Variants in GPR39 observed in about 807,000 individuals in gnomAD.
The protein encoded by GPR39 is G protein-coupled receptor 39, also known as zinc sensing receptor.
Under a neutral mutation model 18.4 loss-of-function variants are expected in GPR39, and 23 were observed. The observed-to-expected ratio is 1.25, with a 90% CI of 0.90 to 1.77. The LOEUF is 1.77. Ranked by LOEUF, GPR39 falls within the 40% of genes most tolerant of loss-of-function variation. GPR39 has a pLI of 0.00. For synonymous variants in GPR39, 280 were observed against 257.9 expected, an observed-to-expected ratio of 1.09 and a Z score of -0.82; for missense variants, 647 against 602.4, an observed-to-expected ratio of 1.07 and a Z score of -0.78.
At chr2:132,530,060 A>G (rs1056650336) in intron 1 of GPR39, among the ~76,000 whole-genome samples, 3 of 152,162 alleles carry the variant, frequency 2.0e-5, no homozygotes, top group Admixed American at 2.0e-4. Context: ...ACTCTGAGCT[A>G]AAGGAGGAAG....
intron 1 of GPR39, among the ~76,000 whole-genome samples, chr2:132,472,648 T>C (rs967091330): frequency 6.6e-6 from 1 of 152,156 alleles, no homozygotes; most frequent in African/African-American, 2.4e-5. Context: ...CAGAGGTAAG[T>C]GACATGGTAG....
chr2:132,543,174 C>A (rs1196599506), intron 1 of GPR39, among the ~76,000 whole-genome samples: 1 of 152,146 alleles, frequency 6.6e-6, no homozygotes, highest in African/African-American at 2.4e-5. Flanking sequence ...GGAGAGCTCT[C>A]AGCAAAGAGA....
At chr2:132,620,396 C>T (rs1681420211) in intron 1 of GPR39, among the ~76,000 whole-genome samples, 2 of 152,154 alleles carry the variant, frequency 1.3e-5, no homozygotes. Context: ...AAGGGACATT[C>T]TGAGGAGGGG....
At chr2:132,457,201 C>T (rs58694964) in intron 1 of GPR39, among the ~76,000 whole-genome samples, 2,526 of 152,126 alleles carry the variant, frequency 0.017, 78 homozygotes, top group African/African-American at 0.054. Context: ...TTTCTCTAAC[C>T]TTGTCTTCTC....
intron 1 of GPR39, among the ~76,000 whole-genome samples, chr2:132,571,308 T>A (rs1257437433): frequency 6.6e-6 from 1 of 152,170 alleles, no homozygotes; most frequent in Non-Finnish European, 1.5e-5. Flanking sequence ...ACATTCTGAA[T>A]TGGTATGTAA....
intron 1 of GPR39, among the ~76,000 whole-genome samples, chr2:132,437,254 C>A (rs534276497): frequency 6.6e-6 from 1 of 152,208 alleles, no homozygotes; most frequent in Non-Finnish European, 1.5e-5. Flanking sequence ...ATGTGAAGTG[C>A]ATTTTGATCT....
intron 1 of GPR39, among the ~76,000 whole-genome samples, chr2:132,526,486 T>C (rs952084462): frequency 1.6e-4 from 24 of 152,168 alleles, no homozygotes; most frequent in African/African-American, 5.5e-4. Context: ...CAAACCCTAG[T>C]GGGATCTTTT....
chr2:132,580,421 G>T (rs1331481445), intron 1 of GPR39, among the ~76,000 whole-genome samples: 1 of 152,228 alleles, frequency 6.6e-6, no homozygotes, highest in Non-Finnish European at 1.5e-5. Flanking sequence ...GTGGCTGAGA[G>T]TAGTCAGTTG....
At chr2:132,451,635 C>T (rs947346129) in intron 1 of GPR39, among the ~76,000 whole-genome samples, 6 of 152,106 alleles carry the variant, frequency 3.9e-5, no homozygotes, top group Non-Finnish European at 2.9e-5. Context: ...CCTTCCCTTG[C>T]CTCTCATCCT....
intron 1 of GPR39, among the ~76,000 whole-genome samples, chr2:132,554,695 G>C (rs959807561): frequency 3.9e-5 from 6 of 152,162 alleles, no homozygotes; most frequent in African/African-American, 1.4e-4. Flanking sequence ...AGATTAAAAT[G>C]CTGGCAGGGC....
Position 132,619,192 on chromosome 2 carries a change from C to G in GPR39, c.857-25909C>G, listed in dbSNP as rs192432512. ...AGATCATGGTGAGGTGCACACCAAC[C>G]CTCTCTTTTGCCAAGGCCAAATTTG... On this transcript the variant is annotated intron_variant, in intron 1 of 1. Coordinates refer to ENST00000329321, the MANE Select transcript of GPR39 (RefSeq NM_001508.3). Among the ~76,000 whole-genome samples, 363 of 152,306 alleles carry G rather than the reference C, an allele frequency of 2.4e-3. 3 individuals carry two copies. The highest frequency in any genetic ancestry group is 8.5e-3 in the African/African-American group (355 of 41,574).
intron 1 of GPR39, among the ~76,000 whole-genome samples, chr2:132,627,267 C>T (rs1328107121): frequency 6.6e-6 from 1 of 152,118 alleles, no homozygotes; most frequent in African/African-American, 2.4e-5. Flanking sequence ...TTGTCAGGGA[C>T]AATGGCTCCC....
intron 1 of GPR39, among the ~76,000 whole-genome samples, chr2:132,580,115 T>G (rs562573172): frequency 6.6e-6 from 1 of 152,354 alleles, no homozygotes; most frequent in Non-Finnish European, 1.5e-5. Context: ...GGCTTCCTAG[T>G]TACACTTGTT....
chr2:132,585,648 G>T (rs1680710827), intron 1 of GPR39, among the ~76,000 whole-genome samples: 1 of 152,168 alleles, frequency 6.6e-6, no homozygotes, highest in African/African-American at 2.4e-5. Context: ...GCACTGGCGT[G>T]GGGAGGTCAG....
In GPR39 at chr2:132,494,203, G is replaced by A. The variant is rs1681594340; in HGVS notation, c.856+76305G>A. On this transcript the variant is annotated intron_variant, in intron 1 of 1. Coordinates refer to ENST00000329321, the MANE Select transcript of GPR39 (RefSeq NM_001508.3). ...CCTAAATCAGGGTTTGGTTTCACTGGCTAAACCAGGGGGACCTTATAAAAA... is the reference window on the plus strand; with the variant it reads ...CCTAAATCAGGGTTTGGTTTCACTGACTAAACCAGGGGGACCTTATAAAAA... Among the ~76,000 whole-genome samples the A allele has an allele frequency of 2.0e-5, 3 of 151,902 alleles. No homozygotes were observed. The South Asian group carries it at 6.2e-4, about 32-fold the overall frequency.
intron 1 of GPR39, among the ~76,000 whole-genome samples, chr2:132,418,938 T>C (rs1192759530): frequency 6.6e-6 from 1 of 152,180 alleles, no homozygotes; most frequent in African/African-American, 2.4e-5. Context: ...CTGTTTGTTT[T>C]GGTGTGGGCA....
chr2:132,538,172 T>C (rs1366601874), intron 1 of GPR39, among the ~76,000 whole-genome samples: 3 of 152,228 alleles, frequency 2.0e-5, no homozygotes, highest in Non-Finnish European at 4.4e-5. Context: ...TTTTTCCTCA[T>C]CATCATGGAT....
chr2:132,418,976 G>C (rs1285711316), intron 1 of GPR39, among the ~76,000 whole-genome samples: 1 of 152,174 alleles, frequency 6.6e-6, no homozygotes, highest in Non-Finnish European at 1.5e-5. Context: ...AGGGACAGGA[G>C]GTAGACATGA....
chr2:132,563,990 G>T (rs3109146), intron 1 of GPR39, among the ~76,000 whole-genome samples: 1 of 152,010 alleles, frequency 6.6e-6, no homozygotes, highest in South Asian at 2.1e-4. Flanking sequence ...TGGTTCAAAC[G>T]TACAGCAAAG....
Sources: allele counts gnomAD v4.1 joint callset (sites outside exome capture counted in the v4.1 genomes callset), GRCh38; gene constraint gnomAD v4.1.1; transcripts MANE v1.5; gene names NCBI Gene and HGNC (gene_info 2026-07-23, HGNC 2026-07-21).